TRIM7: variants seen among roughly 807,000 people sequenced by gnomAD.
TRIM7 encodes the protein E3 ubiquitin-protein ligase TRIM7.
TRIM7 carries 32 observed loss-of-function variants against 37.9 expected under a neutral mutation model. The observed-to-expected ratio is 0.84, with a 90% CI of 0.64 to 1.13. The LOEUF (loss-of-function observed/expected upper bound fraction) is 1.13, where lower values mean the gene tolerates loss of function less well. Among genes scored for constraint, TRIM7 ranks in the 50% most tolerant of loss-of-function variants. The pLI is 0.00. For synonymous variants in TRIM7, 351 were observed against 321.3 expected (o/e 1.09, Z -0.99); for missense variants, 732 against 714.0 (o/e 1.03, Z -0.29).
At chr5:181,199,792 G>A (rs2113072148) in intron 3 of TRIM7, 59 bp downstream of exon 3, 1 of 1,534,166 alleles carries the variant, frequency 6.5e-7, no homozygotes, top group Non-Finnish European at 8.8e-7. Flanking sequence ...CTGTTCTCTA[G>A]CTGCTGGTCC....
chr5:181,203,220 T>C, intron 2 of TRIM7: 1 of 1,065,764 alleles, frequency 9.4e-7, no homozygotes, highest in African/African-American at 1.6e-5. Flanking sequence ...GAAATAGTAA[T>C]GTGTTCCATT....
At chr5:181,204,134 A>G in intron 1 of TRIM7, 1 of 999,366 alleles carries the variant, frequency 1.0e-6, no homozygotes, top group Non-Finnish European at 1.2e-6. Context: ...CCCTCCCTGG[A>G]CATCTTGGCG....
At chr5:181,200,655 C>A in intron 2 of TRIM7, 1 of 998,640 alleles carries the variant, frequency 1.0e-6, no homozygotes, top group Non-Finnish European at 1.2e-6. Context: ...CCCCAAGGAA[C>A]GAAGTGAGAA....
In TRIM7 at chr5:181,195,566, C is replaced by T; in HGVS notation, c.1136G>A (p.Arg379His). ...CAGGACGCGGGTGTTGGTGTCGAAG[C>T]GGCAGGGGTGGTTGGGCAGGTCCTG... ...RAQDLPNHPCRFDTNTRVLAS... is the reference protein window; with the variant it reads ...RAQDLPNHPCHFDTNTRVLAS... The change falls in exon 7 of 7, where the codon CGC (arginine) becomes CAC (histidine). Residue 379 changes from arginine (R) to histidine (H), a missense_variant. Physicochemically the swap from Arg to His is conservative, Grantham distance 29 (BLOSUM62 0). Coordinates refer to ENST00000274773, the MANE Select transcript of TRIM7 (RefSeq NM_203293.3). The T allele has an allele frequency of 6.2e-7, 1 of 1,608,376 alleles. No individual in the cohort carries two copies. The highest frequency in any genetic ancestry group is 2.2e-5 in the East Asian group (1 of 44,684).
In TRIM7 at chr5:181,195,590, T is replaced by C. The variant is rs746514946; in HGVS notation, c.1112A>G (p.Gln371Arg). ...LKGVRLGERA[Q>R]DLPNHPCRFD... is the part of the protein sequence containing the mutation. Reference sequence around the variant, plus strand: ...GCGGCAGGGGTGGTTGGGCAGGTCCTGGGCCCGCTCGCCGAGGCGCACGCC... The same window carrying C: ...GCGGCAGGGGTGGTTGGGCAGGTCCCGGGCCCGCTCGCCGAGGCGCACGCC... The change falls in exon 7 of 7, where the codon CAG becomes CGG. Residue 371 changes from glutamine (Q) to arginine (R), a missense_variant. Coordinates refer to ENST00000274773, the MANE Select transcript of TRIM7 (RefSeq NM_203293.3). 3.8e-6 allele frequency: 6 copies of C among 1,597,028 alleles called. No homozygotes were observed. The East Asian group carries it at 1.1e-4, about 30-fold the overall frequency.
rs543152078 is a variant in TRIM7 at position 181,198,879 on chromosome 5, G to A, written c.873-74C>T. 7.5e-5 allele frequency: 96 copies of A among 1,276,760 alleles called. 1 individual carries two copies. The South Asian group carries it at 1.0e-3, about 14-fold the overall frequency. The allele number at this position is 1,276,760 out of a possible 1,614,324, so 79.1% of individuals were successfully genotyped here. A position where few individuals can be genotyped will look rare whatever the true frequency, so the allele number is the denominator to read the frequency against. ...CACAGGCTGTGACAATTAGGATGGCGAGGTCCTCTTGGCAGAAAGAGGTAG... is the reference window on the plus strand; with the variant it reads ...CACAGGCTGTGACAATTAGGATGGCAAGGTCCTCTTGGCAGAAAGAGGTAG... On this transcript the variant is annotated intron_variant, in intron 4 of 6. Transcript: ENST00000274773.
At position 181,204,868 on chromosome 5, in the gene TRIM7, G is replaced by T; in HGVS notation, c.243C>A (p.Cys81Ter). The part of the protein sequence containing the change: ...APPFPLPCPQ[C>*]REPARPSQLR... ...GCTGACTGGGGCGCGCGGGCTCGCG[G>T]CACTGCGGACAGGGCAGTGGGAAGG... Residue 81 changes from cysteine (C) to a stop codon, truncating the protein, a stop_gained, in exon 1 of 7, where the codon TGC becomes TGA. Coordinates refer to ENST00000274773, the MANE Select transcript of TRIM7 (RefSeq NM_203293.3). LOFTEE classifies it high-confidence loss of function. The T allele has an allele frequency of 7.4e-7, 1 of 1,347,352 alleles. No individual in the cohort carries two copies. The highest frequency in any genetic ancestry group is 3.1e-5 in the East Asian group (1 of 32,390). The allele number at this position is 1,347,352 out of a possible 1,614,324, so 83.5% of individuals were successfully genotyped here.
rs765612355 is a variant in TRIM7 at position 181,199,861 on chromosome 5, T to C, written c.839A>G (p.Asp280Gly). 1.9e-6 allele frequency: 3 copies of C among 1,613,526 alleles called. No homozygotes were observed. The highest frequency in any genetic ancestry group is 2.5e-6 in the Non-Finnish European group (3 of 1,179,674). The change falls in exon 3 of 7, where the codon GAC becomes GGC. Residue 280 changes from aspartate to glycine, a missense_variant. Transcript: ENST00000274773. ...CTGAGCCAGACTTACCTGGAGAAAG[T>C]CAAGGTCAGGCTTTTGAGCTGTCTC... ...IQETAQKPDLDFLQEFKSTLS... is the reference protein window; with the variant it reads ...IQETAQKPDLGFLQEFKSTLS...
At chr5:181,198,412 C>G in intron 5 of TRIM7, 194 bp from the exon 6 acceptor site, 1 of 667,710 alleles carries the variant, frequency 1.5e-6, no homozygotes, top group Admixed American at 2.3e-5. Context: ...CTAGCTCTAC[C>G]CAAGTGGCTC....
At position 181,204,731 on chromosome 5, in the gene TRIM7, G is replaced by A. The variant is rs543589179; in HGVS notation, c.380C>T (p.Ala127Val). Residue 127 changes from alanine to valine, a missense_variant, in exon 1 of 7, where the codon GCT becomes GTT. By Grantham distance (64) the Ala-to-Val change is moderately conservative (BLOSUM62 0). Coordinates refer to ENST00000274773, the MANE Select transcript of TRIM7 (RefSeq NM_203293.3). ...TTCGCCATGCTGCCCGCAGCGGGCAGCCGCTGCCCGGGCCGCGGCCGCCTG... is the reference window on the plus strand; with the variant it reads ...TTCGCCATGCTGCCCGCAGCGGGCAACCGCTGCCCGGGCCGCGGCCGCCTG... ...GSQAAAARAA[A>V]ARCGQHGEPF... 285 of 1,468,610 alleles carry A rather than the reference G, an allele frequency of 1.9e-4. 2 individuals are homozygous for A. In the South Asian group the frequency reaches 3.1e-3, roughly 16 times the overall value. The allele number at this position is 1,468,610 out of a possible 1,614,324, so 91.0% of individuals were successfully genotyped here. A position where few individuals can be genotyped will look rare whatever the true frequency, so the allele number is the denominator to read the frequency against.
chr5:181,195,603 C>G lies in TRIM7; in HGVS notation c.1099G>C (p.Gly367Arg). 1 of 1,586,212 alleles carries G rather than the reference C, an allele frequency of 6.3e-7. No homozygotes were observed. The highest frequency in any genetic ancestry group is 8.6e-7 in the Non-Finnish European group (1 of 1,163,252). ...TTGGGCAGGTCCTGGGCCCGCTCGC[C>G]GAGGCGCACGCCCTTAAGATCCAGA... ...LSLDLKGVRLGERAQDLPNHP... is the reference protein window; with the variant it reads ...LSLDLKGVRLRERAQDLPNHP... The change falls in exon 7 of 7, where the codon GGC becomes CGC. Residue 367 changes from glycine to arginine, a missense_variant. Physicochemically the swap from Gly to Arg is moderately radical, Grantham distance 125 (BLOSUM62 -2). Transcript: ENST00000274773.
At position 181,205,056 on chromosome 5, in the gene TRIM7, G is replaced by C; in HGVS notation, c.55C>G (p.Leu19Val). Reference sequence around the variant, plus strand: ...GCCTCGCCCTGCAGCTCTGCCGCCAGCGCTAGAGCCTCGGCGCCGGTTCCG... The same window carrying C: ...GCCTCGCCCTGCAGCTCTGCCGCCACCGCTAGAGCCTCGGCGCCGGTTCCG... ...GPGTGAEALA[L>V]AAELQGEATC... is the part of the protein sequence containing the mutation. Residue 19 changes from leucine (L) to valine (V), a missense_variant, in exon 1 of 7, where the codon CTG becomes GTG. By Grantham distance (32) the Leu-to-Val change is conservative. Transcript: ENST00000274773. 7.2e-7 allele frequency: 1 copy of C among 1,391,190 alleles called. No individual in the cohort carries two copies. Among genetic ancestry groups the C allele is most frequent in the South Asian group, 1.5e-5 (1 of 64,604 alleles). 86.2% of individuals were successfully genotyped at this position (1,391,190 alleles called of 1,614,324 possible).
chr5:181,200,917 C>T lies in TRIM7; in HGVS notation c.619-836G>A, dbSNP rs2546396. The stretch of plus-strand genomic sequence containing the variant: ...ATGCCCCCACCTTTCCTTCAGCTTC[C>T]AGGCAGGCTGCAGTAGCCTGGAGCG... On this transcript the variant is annotated intron_variant, in intron 2 of 6. Transcript: ENST00000274773. 0.032 allele frequency: 31,844 copies of T among 985,334 alleles called. 3,350 individuals are homozygous for T. In the African/African-American group the frequency reaches 0.33, roughly 10 times the overall value. The allele number at this position is 985,334 out of a possible 1,614,324, so 61.0% of individuals were successfully genotyped here.
In TRIM7 at chr5:181,195,102, C is replaced by A; in HGVS notation, c.*64G>T. ...GGCAGACCCAAGACGGACCAGGCAT[C>A]TCTGGGGAGGCGACATCCCCTCCCA... On this transcript the variant is annotated 3_prime_UTR_variant, in exon 7 of 7. Transcript: ENST00000274773. The A allele has an allele frequency of 6.5e-7, 1 of 1,539,740 alleles. No individual in the cohort carries two copies. The highest frequency in any genetic ancestry group is 8.8e-7 in the Non-Finnish European group (1 of 1,139,640).
At chr5:181,200,863 T>G (rs189790783) in intron 2 of TRIM7, 2 of 985,464 alleles carry the variant, frequency 2.0e-6, no homozygotes, top group African/African-American at 3.5e-5. Context: ...CCTGTGAAGT[T>G]GGGAGACCTG....
chr5:181,204,098 T>C, intron 1 of TRIM7: 1 of 997,738 alleles, frequency 1.0e-6, no homozygotes, highest in Non-Finnish European at 1.2e-6. Flanking sequence ...CAGACGGCTC[T>C]AGGTGCGCGG....
Position 181,198,215 on chromosome 5 carries a change from T to C in TRIM7, c.992A>G (p.Asp331Gly). 6.2e-7 allele frequency: 1 copy of C among 1,614,006 alleles called. No individual in the cohort carries two copies. The highest frequency in any genetic ancestry group is 8.5e-7 in the Non-Finnish European group (1 of 1,179,972). ...LKGMLKKFKE[D>G]LRGELEKEEK... is the part of the protein sequence containing the mutation. ...CTCTTTCTCCAGCTCTCCCCGAAGG[T>C]CCTCTGAGGAGGAGAAACAAAGCAA... Residue 331 changes from aspartate (D) to glycine (G), a missense_variant, in exon 6 of 7, where the codon GAC becomes GGC. Transcript: ENST00000274773.
In TRIM7 at chr5:181,195,361, G is replaced by C; in HGVS notation, c.1341C>G (p.Ser447Arg). 1.9e-6 allele frequency: 3 copies of C among 1,579,328 alleles called. No homozygotes were observed. Among genetic ancestry groups the C allele is most frequent in the Non-Finnish European group, 2.6e-6 (3 of 1,163,192 alleles). ...CGCAGCTGAGGGGCGACCGCTCGGG[G>C]CTGGTCACGGCCCAGTACTGGCCGC... ...LNGGQYWAVT[S>R]PERSPLSCGH... The change falls in exon 7 of 7, where the codon AGC (serine) becomes AGG (arginine). Residue 447 changes from serine to arginine, a missense_variant. Physicochemically the swap from Ser to Arg is moderately radical, Grantham distance 110. Coordinates refer to ENST00000274773, the MANE Select transcript of TRIM7 (RefSeq NM_203293.3).
intron 6 of TRIM7, chr5:181,197,795 C>T (rs927328707): frequency 1.3e-5 from 3 of 230,610 alleles, no homozygotes; most frequent in South Asian, 7.7e-5. Flanking sequence ...AGAGTAAAAA[C>T]GATATTCCTT....
Sources: gnomAD v4.1 joint callset for allele counts on GRCh38, gnomAD v4.1.1 for gene constraint, MANE v1.5 for transcripts, NCBI Gene and HGNC (gene_info 2026-07-23, HGNC 2026-07-21) for gene names.